Variants in LIN37 observed in about 807,000 individuals in gnomAD.
The protein encoded by LIN37 is protein lin-37 homolog.
LIN37 carries 21 observed loss-of-function variants against 38.0 expected under a neutral mutation model. The observed-to-expected ratio is 0.55, with a 90% CI of 0.39 to 0.80. The LOEUF is 0.80. Ranked by LOEUF, LIN37 falls within the 30% of genes least tolerant of loss-of-function variation. The probability of loss-of-function intolerance (pLI) is 0.00; values close to 1 mark genes in which losing one functional copy is unlikely to be tolerated. For missense variants in LIN37, 273 were observed against 338.5 expected, an observed-to-expected ratio of 0.81 and a Z score of 1.52; for synonymous variants, 126 against 122.9, an observed-to-expected ratio of 1.03 and a Z score of -0.17.
Position 35,754,013 on chromosome 19 carries a change from C to G in LIN37, c.445-4C>G. ...GGCCTGGCATGGGGCCCTTGTGTCC[C>G]CAGGGCTCAGAGGTAACCAACAGCA... On this transcript the variant is annotated splice_region_variant and splice_polypyrimidine_tract_variant and intron_variant, in intron 6 of 8. Coordinates refer to ENST00000301159, the MANE Select transcript of LIN37 (RefSeq NM_019104.3). 6.2e-7 allele frequency: 1 copy of G among 1,612,858 alleles called. No homozygotes were observed. Among genetic ancestry groups the G allele is most frequent in the South Asian group, 1.1e-5 (1 of 91,054 alleles).
intron 1 of LIN37, 82 bp from the exon 2 acceptor site, chr19:35,752,094 G>A (rs1403529563): frequency 7.6e-6 from 8 of 1,057,612 alleles, no homozygotes; most frequent in Middle Eastern, 4.2e-4. Flanking sequence ...CAGAGGACAC[G>A]CACGCCCTTC....
In LIN37 at chr19:35,752,287, G is replaced by A. The variant is rs759895094; in HGVS notation, c.110+36G>A. Reference sequence around the variant, plus strand: ...GTGGGGTCACAGGGCCGGGCACCCTGGTGGGTTGGGCCCTCTGATCCTGGG... The same window carrying A: ...GTGGGGTCACAGGGCCGGGCACCCTAGTGGGTTGGGCCCTCTGATCCTGGG... On this transcript the variant is annotated intron_variant, in intron 2 of 8. Coordinates refer to ENST00000301159, the MANE Select transcript of LIN37 (RefSeq NM_019104.3). The A allele has an allele frequency of 1.0e-5, 16 of 1,590,118 alleles. No individual in the cohort carries two copies. The African/African-American group carries it at 1.7e-4, about 17-fold the overall frequency.
chr19:35,754,006 T>C lies in LIN37; in HGVS notation c.445-11T>C. 1 of 1,611,540 alleles carries C rather than the reference T, an allele frequency of 6.2e-7. No homozygotes were observed. Among genetic ancestry groups the C allele is most frequent in the Non-Finnish European group, 8.5e-7 (1 of 1,178,480 alleles). On this transcript the variant is annotated splice_polypyrimidine_tract_variant and intron_variant, in intron 6 of 8. Transcript: ENST00000301159. ...TCTCTTGGGCCTGGCATGGGGCCCT[T>C]GTGTCCCCAGGGCTCAGAGGTAACC...
At chr19:35,749,816 A>AAAAAC (rs1555739416) in intron 1 of LIN37, among the ~76,000 whole-genome samples, 1 of 91,962 alleles carries the variant, frequency 1.1e-5, no homozygotes, top group African/African-American at 6.9e-5. Flanking sequence ...AAAAAAAAAA[A>AAAAAC]AAAGAAAGGA....
intron 1 of LIN37, among the ~76,000 whole-genome samples, chr19:35,749,804 CAA>C (rs756915934): frequency 2.6e-4 from 23 of 87,258 alleles, no homozygotes; most frequent in Non-Finnish European, 3.0e-4. Context: ...GACCCTGTCT[CAA>C]AAAAAAAAAA....
At chr19:35,752,393 G>A in intron 2 of LIN37, 41 bp from the exon 3 acceptor site, 8 of 1,611,830 alleles carry the variant, frequency 5.0e-6, no homozygotes, top group Non-Finnish European at 6.8e-6. Flanking sequence ...CCTTCTCTGG[G>A]GCCCTGGAAC....
Position 35,754,332 on chromosome 19 carries a change from C to G in LIN37, c.659+13C>G. 6.2e-7 allele frequency: 1 copy of G among 1,614,072 alleles called. No individual in the cohort carries two copies. The highest frequency in any genetic ancestry group is 8.5e-7 in the Non-Finnish European group (1 of 1,179,900). ...GCATCCGCCAGAGGTGAGCGTCCCC[C>G]AGCCTGCTTGCCCCTCGTAGGGCCC... On this transcript the variant is annotated intron_variant, in intron 8 of 8. Coordinates refer to ENST00000301159, the MANE Select transcript of LIN37 (RefSeq NM_019104.3).
rs550629242 is a variant in LIN37, at chr19:35,753,200, G to A, written c.391G>A (p.Glu131Lys). Residue 131 changes from glutamate to lysine, a missense_variant, in exon 6 of 9, where the codon GAG becomes AAG. Transcript: ENST00000301159. ...GATGCGCAACAGCCCCTCTGTGCGCGAGCGTGAATGCTCTCCCAGCTCACC... is the reference window on the plus strand; with the variant it reads ...GATGCGCAACAGCCCCTCTGTGCGCAAGCGTGAATGCTCTCCCAGCTCACC... ...AWMRNSPSVR[E>K]RECSPSSPLP... 7 of 1,566,334 alleles carry A rather than the reference G, an allele frequency of 4.5e-6. No individual in the cohort carries two copies. The highest frequency in any genetic ancestry group is 2.7e-5 in the African/African-American group (2 of 73,656).
chr19:35,752,968 T>C lies in LIN37; in HGVS notation c.246T>C (p.Asp82=). ...QRRKKRREMD[D]GLAEGGPQRS... is the part of the protein sequence containing the mutation. ...GGAAGAAGAGGAGGGAGATGGATGATGGGCTGGCTGAGGGAGGGCCGCAGC... is the reference window on the plus strand; with the variant it reads ...GGAAGAAGAGGAGGGAGATGGATGACGGGCTGGCTGAGGGAGGGCCGCAGC... The change falls in exon 5 of 9, where the codon GAT becomes GAC. Residue 82 remains aspartate, a synonymous_variant. Transcript: ENST00000301159. 2 of 1,572,162 alleles carry C rather than the reference T, an allele frequency of 1.3e-6. No individual in the cohort carries two copies. The highest frequency in any genetic ancestry group is 1.7e-6 in the Non-Finnish European group (2 of 1,158,106).
intron 1 of LIN37, among the ~76,000 whole-genome samples, chr19:35,749,622 T>C (rs1263102198): frequency 1.4e-5 from 2 of 142,998 alleles, no homozygotes; most frequent in Non-Finnish European, 3.0e-5. Context: ...AGCGAAACGC[T>C]GTCTCTATAA....
chr19:35,752,556 C>T (rs1490181276), intron 3 of LIN37, 72 bp downstream of exon 3: 2 of 1,510,518 alleles, frequency 1.3e-6, no homozygotes, highest in African/African-American at 2.7e-5. Context: ...CAAGCCCTGA[C>T]CGCTCAGCCC....
intron 6 of LIN37, 179 bp downstream of exon 6, chr19:35,753,432 TAGGGA>T: frequency 1.3e-6 from 1 of 766,692 alleles, no homozygotes; most frequent in South Asian, 1.6e-5. Context: ...TCAGAGTCCC[TAGGGA>T]AGACATACGT....
chr19:35,752,900 C>T lies in LIN37; in HGVS notation c.192-14C>T. On this transcript the variant is annotated splice_polypyrimidine_tract_variant and intron_variant, in intron 4 of 8. Transcript: ENST00000301159. Reference sequence around the variant, plus strand: ...GCTCCTACCCCAGTCCTGACACTCCCTCTCCCTACGCAGGCCATCTGCCCG... The same window carrying T: ...GCTCCTACCCCAGTCCTGACACTCCTTCTCCCTACGCAGGCCATCTGCCCG... 2 of 1,583,762 alleles carry T rather than the reference C, an allele frequency of 1.3e-6. No homozygotes were observed. Among genetic ancestry groups the T allele is most frequent in the East Asian group, 2.3e-5 (1 of 42,902 alleles).
In LIN37 at chr19:35,753,145, C is replaced by G. The variant is rs773570913; in HGVS notation, c.336C>G (p.Asn112Lys). 10 of 1,600,274 alleles carry G rather than the reference C, an allele frequency of 6.2e-6. No homozygotes were observed. In the Admixed American group the frequency reaches 1.7e-4, roughly 28 times the overall value. Reference sequence around the variant, plus strand: ...TGGACTTGGCCCAGTTCAGCGAGAACACGCCACTGTACCCAATCTGCCGCG... The same window carrying G: ...TGGACTTGGCCCAGTTCAGCGAGAAGACGCCACTGTACCCAATCTGCCGCG... Reference protein sequence around the residue: ...RSVDLAQFSENTPLYPICRAW... With the variant: ...RSVDLAQFSEKTPLYPICRAW... The change falls in exon 6 of 9, where the codon AAC becomes AAG. Residue 112 changes from asparagine (N) to lysine (K), a missense_variant. By Grantham distance (94) the Asn-to-Lys change is moderately conservative. Transcript: ENST00000301159.
chr19:35,750,478 G>C (rs1252797241), intron 1 of LIN37, among the ~76,000 whole-genome samples: 1 of 152,176 alleles, frequency 6.6e-6, no homozygotes, highest in African/African-American at 2.4e-5. Flanking sequence ...CTGAGCACTA[G>C]AGCCAGAGCT....
In LIN37 at chr19:35,754,102, G is replaced by T; in HGVS notation, c.530G>T (p.Arg177Ile). The T allele has an allele frequency of 6.2e-7, 1 of 1,613,988 alleles. No homozygotes were observed. Among genetic ancestry groups the T allele is most frequent in the East Asian group, 2.2e-5 (1 of 44,888 alleles). ...CCGGGGCCACCCGGAGATGCCTGCA[G>T]ATCCCGCATCCCATCTCCACTGCAG... ...TPPGPPGDAC[R>I]SRIPSPLQPE... Residue 177 changes from arginine to isoleucine, a missense_variant, in exon 7 of 9, where the codon AGA becomes ATA. By Grantham distance (97) the Arg-to-Ile change is moderately conservative (BLOSUM62 -3). Transcript: ENST00000301159.
In LIN37 at chr19:35,751,549, C is replaced by A. The variant is rs139609056; in HGVS notation, c.35-627C>A. Among the ~76,000 whole-genome samples, 18 of 152,124 alleles carry A rather than the reference C, an allele frequency of 1.2e-4. No homozygotes were observed. The East Asian group carries it at 3.3e-3, about 28-fold the overall frequency. On this transcript the variant is annotated intron_variant, in intron 1 of 8. Coordinates refer to ENST00000301159, the MANE Select transcript of LIN37 (RefSeq NM_019104.3). ...AAATAGGAATAAAAATCATATCTAT[C>A]TGAGCTGGGCTCTATGGCATGTGCC...
chr19:35,752,972 C>T lies in LIN37; in HGVS notation c.250C>T (p.Leu84=), dbSNP rs1437559733. 1.3e-6 allele frequency: 2 copies of T among 1,571,826 alleles called. 1 individual carries two copies. Among genetic ancestry groups the T allele is most frequent in the South Asian group, 2.3e-5 (2 of 85,700 alleles). The change falls in exon 5 of 9, where the codon CTG becomes TTG. Residue 84 remains leucine (L), a synonymous_variant. Transcript: ENST00000301159. ...GAAGAGGAGGGAGATGGATGATGGG[C>T]TGGCTGAGGGAGGGCCGCAGCGATC... ...RKKRREMDDG[L]AEGGPQRSNT...
At position 35,749,093 on chromosome 19, in the gene LIN37, A is replaced by G. The variant is rs796569134; in HGVS notation, c.34+335A>G. 2.3e-5 allele frequency: 17 copies of G among 728,568 alleles called. No homozygotes were observed. The East Asian group carries it at 1.2e-3, about 52-fold the overall frequency. The allele number at this position is 728,568 out of a possible 1,614,324, so 45.1% of individuals were successfully genotyped here. A position where few individuals can be genotyped will look rare whatever the true frequency, so the allele number is the denominator to read the frequency against. On this transcript the variant is annotated intron_variant, in intron 1 of 8. Coordinates refer to ENST00000301159, the MANE Select transcript of LIN37 (RefSeq NM_019104.3). ...ATTTAAATAGAGACGGAGTATCGCT[A>G]TATTGCCCAGGCTGGTCTCGAACTC...
Sources: allele counts gnomAD v4.1 joint callset (sites outside exome capture counted in the v4.1 genomes callset), GRCh38; gene constraint gnomAD v4.1.1; transcripts MANE v1.5; gene names NCBI Gene and HGNC (gene_info 2026-07-23, HGNC 2026-07-21).